Variants in SLIT3 observed in about 807,000 individuals in gnomAD.
SLIT3 encodes the protein slit homolog 3 protein.
SLIT3 carries 68 observed loss-of-function variants against 184.0 expected under a neutral mutation model. The observed-to-expected ratio is 0.37, with a 90% CI of 0.30 to 0.45. The LOEUF is 0.45. SLIT3 is among the 20% of genes least tolerant of loss of function. SLIT3 has a pLI of 1.00. For missense variants in SLIT3, 1,707 were observed against 2,026.0 expected, an observed-to-expected ratio of 0.84 and a Z score of 3.02; for synonymous variants, 831 against 828.6, an observed-to-expected ratio of 1.00 and a Z score of -0.05.
intron 4 of SLIT3, among the ~76,000 whole-genome samples, chr5:168,921,104 G>A (rs1441125230): frequency 1.3e-5 from 2 of 152,118 alleles, no homozygotes; most frequent in Non-Finnish European, 1.5e-5. Flanking sequence ...TCGGTATTTG[G>A]ACATCATCTG....
rs959959933 is a variant in SLIT3 at position 169,046,171 on chromosome 5, A to G, written c.413+147308T>C. ...CTTATTTTTGTGCTTTGGTATAGGT[A>G]AAGAGGTGGTATTGCCTAGAGGGAC... On this transcript the variant is annotated intron_variant, in intron 4 of 35. Coordinates refer to ENST00000519560, the MANE Select transcript of SLIT3 (RefSeq NM_003062.4). Among the ~76,000 whole-genome samples the G allele has an allele frequency of 7.9e-5, 12 of 152,096 alleles. No homozygotes were observed. The South Asian group carries it at 2.1e-3, about 26-fold the overall frequency.
chr5:168,772,782 T>C lies in SLIT3; in HGVS notation c.1458A>G (p.Ser486=). Residue 486 remains serine, a splice_region_variant and synonymous_variant, in exon 14 of 36, where the codon TCA becomes TCG. Transcript: ENST00000519560. ...GGCCCAGCCCCGTAACCTGATTACC[T>C]GAGCAGCGGAACTTCTTGCTCTTGA... The part of the protein sequence containing the change: ...SQIKSKKFRC[S]GSEDYRSRFS... 6.2e-7 allele frequency: 1 copy of C among 1,614,204 alleles called. No individual in the cohort carries two copies.
intron 4 of SLIT3, among the ~76,000 whole-genome samples, chr5:168,904,718 A>G (rs1039259869): frequency 4.6e-5 from 7 of 152,160 alleles, no homozygotes; most frequent in African/African-American, 9.7e-5. Context: ...GTGCAATTAG[A>G]GAAACCCCAA....
At chr5:169,211,726 G>T (rs560556080) in intron 3 of SLIT3, among the ~76,000 whole-genome samples, 1 of 152,202 alleles carries the variant, frequency 6.6e-6, no homozygotes, top group Admixed American at 6.5e-5. Context: ...TGCCTTGGGG[G>T]GTTCCCGCAC....
At chr5:168,972,112 G>C (rs1754595747) in intron 4 of SLIT3, among the ~76,000 whole-genome samples, 2 of 152,182 alleles carry the variant, frequency 1.3e-5, no homozygotes, top group African/African-American at 4.8e-5. Flanking sequence ...AGACCTGAAG[G>C]GGAGGGCTCC....
intron 3 of SLIT3, among the ~76,000 whole-genome samples, chr5:169,229,842 G>A (rs7710758): frequency 0.013 from 1,940 of 152,230 alleles, 50 homozygotes; most frequent in African/African-American, 0.044. Flanking sequence ...ACTTGTAAGT[G>A]AACCTGAGCA....
At chr5:168,810,006 G>A (rs1757111467) in intron 8 of SLIT3, among the ~76,000 whole-genome samples, 1 of 152,090 alleles carries the variant, frequency 6.6e-6, no homozygotes, top group Non-Finnish European at 1.5e-5. Flanking sequence ...AAGTCACCTG[G>A]GGCCCCTCTG....
At chr5:168,696,850 A>T (rs1160884398) in intron 27 of SLIT3, among the ~76,000 whole-genome samples, 1 of 152,054 alleles carries the variant, frequency 6.6e-6, no homozygotes, top group East Asian at 1.9e-4. Flanking sequence ...CATAGTAAAC[A>T]TCCTCCTTTA....
intron 26 of SLIT3, chr5:168,707,583 T>C (rs1343865621): frequency 5.8e-6 from 1 of 172,976 alleles, no homozygotes; most frequent in African/African-American, 2.4e-5. Context: ...GGGTGGGGTT[T>C]GGCAGGGGCA....
rs1043464610 is a variant in SLIT3, at chr5:168,662,645, GT to G, written c.*3808del. ...ATAACAACAGCATCTTACATTTAAG[GT>G]TTTTAGTTTACACTTTACAAAGAAC... On this transcript the variant is annotated 3_prime_UTR_variant, in exon 36 of 36. Transcript: ENST00000519560. The G allele has an allele frequency of 4.1e-4, 63 of 152,222 alleles. No individual in the cohort carries two copies. The highest frequency in any genetic ancestry group is 1.4e-3 in the African/African-American group (60 of 41,460). 9.4% of individuals were successfully genotyped at this position (152,222 alleles called of 1,614,324 possible).
rs548039062 is a variant in SLIT3, at chr5:168,684,012, G to A, written c.3640C>T (p.Arg1214Trp). The A allele has an allele frequency of 1.5e-5, 24 of 1,605,298 alleles. No individual in the cohort carries two copies. The highest frequency in any genetic ancestry group is 7.8e-5 in the South Asian group (7 of 89,704). The change falls in exon 32 of 36, where the codon CGG becomes TGG. Residue 1214 changes from arginine to tryptophan, a missense_variant. By Grantham distance (101) the Arg-to-Trp change is moderately radical. Transcript: ENST00000519560. ...LALELYQGHV[R>W]LVYDSLSSPP... is the part of the protein sequence containing the mutation. Reference sequence around the variant, plus strand: ...GAACTCAGGCTGTCATAGACCAGCCGCACGTGGCCCTGGTACAGCTCCAGT... The same window carrying A: ...GAACTCAGGCTGTCATAGACCAGCCACACGTGGCCCTGGTACAGCTCCAGT...
chr5:168,985,654 C>T lies in SLIT3; in HGVS notation c.414-102318G>A, dbSNP rs77158000. The stretch of plus-strand genomic sequence containing the variant: ...AATTAGCATTTCTCATTCTCTGTCC[C>T]GTGACCATGCTGTAGCCAATGGGAG... On this transcript the variant is annotated intron_variant, in intron 4 of 35. Transcript: ENST00000519560. Among the ~76,000 whole-genome samples the T allele has an allele frequency of 1.6e-4, 25 of 152,246 alleles. No individual in the cohort carries two copies. In the East Asian group the frequency reaches 4.6e-3, roughly 28 times the overall value.
chr5:168,756,822 C>T (rs1754963532), intron 16 of SLIT3, among the ~76,000 whole-genome samples: 1 of 152,148 alleles, frequency 6.6e-6, no homozygotes, highest in Non-Finnish European at 1.5e-5. Flanking sequence ...AAGTGATGGG[C>T]AATGCAGATG....
At chr5:169,197,737 C>G (rs978563965) in intron 3 of SLIT3, among the ~76,000 whole-genome samples, 2 of 152,216 alleles carry the variant, frequency 1.3e-5, no homozygotes. Flanking sequence ...AGGATAAGGC[C>G]TTCCTAGGTA....
chr5:169,027,975 A>G (rs1217093070), intron 4 of SLIT3, among the ~76,000 whole-genome samples: 1 of 152,120 alleles, frequency 6.6e-6, no homozygotes, highest in Non-Finnish European at 1.5e-5. Context: ...ACTGCCCTTT[A>G]TCTCGTCACA....
At chr5:169,061,377 G>T (rs1371401418) in intron 4 of SLIT3, among the ~76,000 whole-genome samples, 1 of 152,176 alleles carries the variant, frequency 6.6e-6, no homozygotes, top group African/African-American at 2.4e-5. Flanking sequence ...ACCCAGGTTT[G>T]CTTGCCCCTC....
intron 4 of SLIT3, among the ~76,000 whole-genome samples, chr5:169,109,442 A>G (rs1442260239): frequency 6.6e-6 from 1 of 152,218 alleles, no homozygotes; most frequent in Non-Finnish European, 1.5e-5. Flanking sequence ...CAGTCCAACC[A>G]ACACCTCGTT....
At chr5:169,123,699 G>A (rs925850729) in intron 4 of SLIT3, among the ~76,000 whole-genome samples, 1 of 152,106 alleles carries the variant, frequency 6.6e-6, no homozygotes, top group Non-Finnish European at 1.5e-5. Flanking sequence ...GAAATGAGGA[G>A]GCACATGGTT....
intron 10 of SLIT3, chr5:168,790,765 A>G (rs1187847517): frequency 6.6e-6 from 1 of 152,226 alleles, no homozygotes; most frequent in Non-Finnish European, 1.5e-5. Context: ...ATTCTTAAGC[A>G]ATTGACTCCA....
Sources: gnomAD v4.1 joint callset for allele counts (sites outside exome capture counted in the v4.1 genomes callset) on GRCh38, gnomAD v4.1.1 for gene constraint, MANE v1.5 for transcripts, NCBI Gene and HGNC (gene_info 2026-07-23, HGNC 2026-07-21) for gene names.